The following HSF1 variants were observed in gnomAD, a reference collection of about 807,000 sequenced individuals.
The protein encoded by HSF1 is heat shock transcription factor 1.
Under a neutral mutation model 51.7 loss-of-function variants are expected in HSF1, and 32 were observed. The ratio of observed to expected loss-of-function variants is 0.62; its 90% CI spans 0.47 to 0.83. The LOEUF (loss-of-function observed/expected upper bound fraction) is 0.83, where lower values mean the gene tolerates loss of function less well. Among genes scored for constraint, HSF1 ranks in the 40% least tolerant of loss-of-function variants. The pLI, the probability that HSF1 is intolerant of heterozygous loss-of-function variation, is 0.00. For missense variants in HSF1, 727 were observed against 717.0 expected (o/e 1.01, Z -0.16); for synonymous variants, 396 against 309.7 (o/e 1.28, Z -2.92).
chr8:144,305,241 C>G (rs1554843095), intron 1 of HSF1, among the ~76,000 whole-genome samples: 1 of 152,122 alleles, frequency 6.6e-6, no homozygotes, highest in African/African-American at 2.4e-5. Flanking sequence ...GCCACCATGC[C>G]CGGCTGTGTT....
At position 144,291,927 on chromosome 8, in the gene HSF1, CGCG is replaced by C; in HGVS notation, c.117+58_117+60del. The C allele has an allele frequency of 2.0e-6, 2 of 1,016,354 alleles. No individual in the cohort carries two copies. The highest frequency in any genetic ancestry group is 6.6e-5 in the East Asian group (2 of 30,154). The allele number at this position is 1,016,354 out of a possible 1,614,324, so 63.0% of individuals were successfully genotyped here. A position where few individuals can be genotyped will look rare whatever the true frequency, so the allele number is the denominator to read the frequency against. On this transcript the variant is annotated intron_variant, in intron 1 of 12. Transcript: ENST00000528838. The surrounding 1 kb of genome is among the most constrained non-coding windows in gnomAD (Gnocchi z 4.1). ...CGTGGGGACCGGGAGGGAGCAGGGC[CGCG>C]GCGGACGGCGCGGGAGGGCTGCGGG... is the stretch of plus-strand genomic sequence containing the variant.
At chr8:144,308,816 C>T (rs1004391513) in intron 1 of HSF1, 90 bp from the exon 2 acceptor site, 9 of 1,039,364 alleles carry the variant, frequency 8.7e-6, no homozygotes, top group Non-Finnish European at 1.4e-5. Flanking sequence ...GCACTGCCTG[C>T]GTTTCAGAAG....
rs145929063 is a variant in HSF1 at position 144,313,855 on chromosome 8, C to T, written c.1258C>T (p.Pro420Ser). 84 of 1,599,650 alleles carry T rather than the reference C, an allele frequency of 5.3e-5. No homozygotes were observed. In the East Asian group the frequency reaches 6.3e-4, roughly 12 times the overall value. Residue 420 changes from proline to serine, a missense_variant, in exon 11 of 13, where the codon CCC (proline) becomes TCC (serine). Pro to Ser is a moderately conservative substitution (Grantham distance 74). Coordinates refer to ENST00000528838, the MANE Select transcript of HSF1 (RefSeq NM_005526.4). ...CCTCCCTCCTCCGCAGCTGTTCAGCCCCTCGGTGACCGTGCCCGACATGAG... is the reference window on the plus strand; with the variant it reads ...CCTCCCTCCTCCGCAGCTGTTCAGCTCCTCGGTGACCGTGCCCGACATGAG... The part of the protein sequence containing the change: ...DTSALLDLFS[P>S]SVTVPDMSLP...
chr8:144,310,799 C>T lies in HSF1; in HGVS notation c.489-375C>T, dbSNP rs551358273. ...CAGCCAGTGTCGCAGCCTGAAGAAC[C>T]GTCCTCCCTTAACCTGGCTGCTCAG... On this transcript the variant is annotated intron_variant, in intron 4 of 12. Transcript: ENST00000528838. The T allele has an allele frequency of 1.7e-4, 49 of 283,120 alleles. 3 individuals carry two copies. The South Asian group carries it at 2.1e-3, about 12-fold the overall frequency. 17.5% of individuals were successfully genotyped at this position (283,120 alleles called of 1,614,324 possible). A position where few individuals can be genotyped will look rare whatever the true frequency, so the allele number is the denominator to read the frequency against.
chr8:144,312,575 C>A (rs1177215794), intron 9 of HSF1: 1 of 1,448,514 alleles, frequency 6.9e-7, no homozygotes, highest in Non-Finnish European at 9.4e-7. Context: ...GGGCCGGCCT[C>A]CACACCCCCA....
chr8:144,309,111 C>T (rs1334942508), intron 2 of HSF1, 97 bp downstream of exon 2: 7 of 988,234 alleles, frequency 7.1e-6, no homozygotes, highest in Non-Finnish European at 9.5e-6. Flanking sequence ...ACGGGGCGTC[C>T]TGTGCTGGCC....
At position 144,295,436 on chromosome 8, in the gene HSF1, A is replaced by G. The variant is rs150974293; in HGVS notation, c.117+3562A>G. ...GAGCCTGAGAACAAGGCACAGCCAC[A>G]TGACCTGTGCCAGACAAATGCTAGA... On this transcript the variant is annotated intron_variant, in intron 1 of 12. Coordinates refer to ENST00000528838, the MANE Select transcript of HSF1 (RefSeq NM_005526.4). 6.6e-5 allele frequency among the ~76,000 whole-genome samples: 10 copies of G among 152,394 alleles called. 2 individuals are homozygous for G. The highest frequency in any genetic ancestry group is 2.4e-4 in the African/African-American group (10 of 41,594).
chr8:144,311,790 G>A lies in HSF1; in HGVS notation c.814G>A (p.Ala272Thr). The A allele has an allele frequency of 6.2e-7, 1 of 1,612,364 alleles. No individual in the cohort carries two copies. The highest frequency in any genetic ancestry group is 8.5e-7 in the Non-Finnish European group (1 of 1,179,682). ...GPIISDITELAPASPMASPGG... is the reference protein window; with the variant it reads ...GPIISDITELTPASPMASPGG... ...CATCATCTCCGACATCACCGAGCTG[G>A]CTCCTGCCAGCCCCATGGCCTCCCC... The change falls in exon 8 of 13, where the codon GCT becomes ACT. Residue 272 changes from alanine (A) to threonine (T), a missense_variant. Around this residue, in one of 2 missense-constraint regions of HSF1, gnomAD observed 470 missense variants for 398.8 expected, o/e 1.18. Coordinates refer to ENST00000528838, the MANE Select transcript of HSF1 (RefSeq NM_005526.4).
rs186398104 is a variant in HSF1 at position 144,305,996 on chromosome 8, T to C, written c.118-2910T>C. On this transcript the variant is annotated intron_variant, in intron 1 of 12. Transcript: ENST00000528838. ...ATCCGCCTGCCTTGGCCTCCCAAAC[T>C]GCTGGGATTACAGGCGTGAGCCACC... 8.7e-3 allele frequency among the ~76,000 whole-genome samples: 1,330 copies of C among 152,208 alleles called. 32 individuals are homozygous for C. Among genetic ancestry groups the C allele is most frequent in the African/African-American group, 0.031 (1,284 of 41,526 alleles).
intron 1 of HSF1, among the ~76,000 whole-genome samples, chr8:144,298,577 C>T (rs1342949863): frequency 2.0e-5 from 3 of 150,610 alleles, no homozygotes; most frequent in African/African-American, 7.3e-5. Flanking sequence ...TGCGCTCCAG[C>T]CACAGAGCGA....
At chr8:144,298,616 GA>G (rs1815647329) in intron 1 of HSF1, among the ~76,000 whole-genome samples, 1 of 149,722 alleles carries the variant, frequency 6.7e-6, no homozygotes, top group Non-Finnish European at 1.5e-5. Flanking sequence ...AAAAAAGAAA[GA>G]AAAGAAAAAA....
In HSF1 at chr8:144,312,071, C is replaced by G; in HGVS notation, c.969C>G (p.Thr323=). The change falls in exon 9 of 13, where the codon ACC becomes ACG. Residue 323 remains threonine (T), a synonymous_variant. Coordinates refer to ENST00000528838, the MANE Select transcript of HSF1 (RefSeq NM_005526.4). Reference sequence around the variant, plus strand: ...CCGGGCGCCCATCTTCCGTGGACACCCTCTTGTCCCCGACCGCCCTCATTG... The same window carrying G: ...CCGGGCGCCCATCTTCCGTGGACACGCTCTTGTCCCCGACCGCCCTCATTG... The part of the protein sequence containing the change: ...ASPGRPSSVD[T]LLSPTALIDS... 1 of 1,612,364 alleles carries G rather than the reference C, an allele frequency of 6.2e-7. No homozygotes were observed. The highest frequency in any genetic ancestry group is 8.5e-7 in the Non-Finnish European group (1 of 1,179,784).
Position 144,314,024 on chromosome 8 carries a change from C to T in HSF1, c.1354C>T (p.Pro452Ser), listed in dbSNP as rs139825694. Residue 452 changes from proline to serine, a missense_variant, in exon 12 of 13, where the codon CCC becomes TCC. Around this residue, in one of 2 missense-constraint regions of HSF1, gnomAD observed 470 missense variants for 398.8 expected, o/e 1.18. Coordinates refer to ENST00000528838, the MANE Select transcript of HSF1 (RefSeq NM_005526.4). ...LLSPQEPPRP[P>S]EAENSSPDSG... is the part of the protein sequence containing the mutation. ...GTCTCCCCAGGAGCCCCCCAGGCCT[C>T]CCGAGGCAGAGAACAGCAGCCCGGA... The T allele has an allele frequency of 7.5e-6, 12 of 1,610,484 alleles. No homozygotes were observed. In the South Asian group the frequency reaches 7.7e-5, roughly 10 times the overall value.
At chr8:144,300,733 A>G (rs1554842130) in intron 1 of HSF1, among the ~76,000 whole-genome samples, 1 of 152,238 alleles carries the variant, frequency 6.6e-6, no homozygotes, top group Non-Finnish European at 1.5e-5. Flanking sequence ...AGATGTGACA[A>G]CTGGATGGAT....
intron 1 of HSF1, among the ~76,000 whole-genome samples, chr8:144,294,535 A>G (rs1815329540): frequency 6.6e-6 from 1 of 152,262 alleles, no homozygotes; most frequent in South Asian, 2.1e-4. Flanking sequence ...CTAACTCTCA[A>G]GGCTGAATAA....
Position 144,311,306 on chromosome 8 carries a change from C to G in HSF1, c.565-15C>G. The G allele has an allele frequency of 1.1e-5, 17 of 1,613,802 alleles. No individual in the cohort carries two copies. Among genetic ancestry groups the G allele is most frequent in the Non-Finnish European group, 1.4e-5 (16 of 1,180,004 alleles). On this transcript the variant is annotated splice_polypyrimidine_tract_variant and intron_variant, in intron 5 of 12. Transcript: ENST00000528838. ...CCCACAAGGGCCGGGGTAACTGTGT[C>G]CTCTCTCTCCACAGCTCATTCAGTT...
Position 144,314,492 on chromosome 8 carries a change from G to GGTCA in HSF1, c.*163_*166dup. ...TCTGGGCAGCACCTCTGGTCAGGAG[G>GGTCA]GTCACCCTGGCCTGCCAGTCTGCCT... is the stretch of plus-strand genomic sequence containing the variant. On this transcript the variant is annotated 3_prime_UTR_variant, in exon 13 of 13. Coordinates refer to ENST00000528838, the MANE Select transcript of HSF1 (RefSeq NM_005526.4). The GGTCA allele has an allele frequency of 1.6e-6, 1 of 637,596 alleles. No homozygotes were observed. Among genetic ancestry groups the GGTCA allele is most frequent in the East Asian group, 2.8e-5 (1 of 36,246 alleles). The allele number at this position is 637,596 out of a possible 1,614,324, so 39.5% of individuals were successfully genotyped here.
chr8:144,309,068 C>A, intron 2 of HSF1, 54 bp downstream of exon 2: 2 of 1,337,308 alleles, frequency 1.5e-6, no homozygotes, highest in African/African-American at 1.4e-5. Context: ...CTGCAGATGG[C>A]GGGACCCCAG....
At chr8:144,313,706 C>CTCCCG in intron 10 of HSF1, 90 bp downstream of exon 10, 5 of 59,694 alleles carry the variant, frequency 8.4e-5, no homozygotes, top group African/African-American at 5.3e-4. Context: ...CTCCCCGCGC[C>CTCCCG]GCCGCCCCGC....
Sources: allele counts gnomAD v4.1 joint callset (sites outside exome capture counted in the v4.1 genomes callset), GRCh38; gene constraint gnomAD v4.1.1; regional missense constraint gnomAD v4.1.1; non-coding constraint Gnocchi (gnomAD v3.1); transcripts MANE v1.5; gene names NCBI Gene and HGNC (gene_info 2026-07-23, HGNC 2026-07-21).